DEFA6: variants seen among roughly 807,000 people sequenced by gnomAD.
DEFA6 encodes the protein defensin-6.
In DEFA6, 8 loss-of-function variants were observed where a neutral mutation model predicts 5.1. The ratio of observed to expected loss-of-function variants is 1.57; its 90% CI spans 0.92 to 2.83. The LOEUF (loss-of-function observed/expected upper bound fraction) is 2.83. Ranked by LOEUF, DEFA6 falls within the 30% of genes most tolerant of loss-of-function variation. The pLI is 0.00. For missense variants in DEFA6, 191 were observed against 119.1 expected (o/e 1.60, Z -2.81); for synonymous variants, 74 against 45.3 (o/e 1.63, Z -2.54).
rs143254168 is a variant in DEFA6 at position 6,924,968 on chromosome 8, G to C, written c.194-41C>G. ...GAGAGCATCAGAAATTGAGCACCAGGGTCAGCAGCGGGCAGTAAAGAGAAT... is the reference window on the plus strand; with the variant it reads ...GAGAGCATCAGAAATTGAGCACCAGCGTCAGCAGCGGGCAGTAAAGAGAAT... On this transcript the variant is annotated intron_variant, in intron 1 of 1. Coordinates refer to ENST00000297436, the MANE Select transcript of DEFA6 (RefSeq NM_001926.4). The C allele has an allele frequency of 8.5e-4, 1,145 of 1,346,026 alleles. 14 individuals are homozygous for C. The African/African-American group carries it at 0.014, about 17-fold the overall frequency. The allele number at this position is 1,346,026 out of a possible 1,614,324, so 83.4% of individuals were successfully genotyped here.
chr8:6,925,748 T>G (rs1395574156), intron 1 of DEFA6, 95 bp downstream of exon 1: 17 of 1,066,490 alleles, frequency 1.6e-5, no homozygotes, highest in Non-Finnish European at 2.1e-5. Context: ...GGGGAGGTGA[T>G]CACCTAAGAG....
rs1159518049 is a variant in DEFA6, at chr8:6,925,889, A to G, written c.147T>C (p.Phe49=). 1.2e-6 allele frequency: 2 copies of G among 1,613,990 alleles called. No individual in the cohort carries two copies. The highest frequency in any genetic ancestry group is 1.7e-5 in the Admixed American group (1 of 60,002). The part of the protein sequence containing the change: ...QEQRGANDQD[F]AVSFAEDASS... The stretch of plus-strand genomic sequence containing the variant: ...TTGCATCCTCTGCAAAGGAGACGGC[A>G]AAGTCCTGGTCATTTGCCCCACGCT... Residue 49 remains phenylalanine (F), a synonymous_variant, in exon 1 of 2, where the codon TTT becomes TTC. Transcript: ENST00000297436.
chr8:6,925,898 G>A lies in DEFA6; in HGVS notation c.138C>T (p.Asp46=). Residue 46 remains aspartate (D), a synonymous_variant, in exon 1 of 2, where the codon GAC becomes GAT. Transcript: ENST00000297436. ...ADAQEQRGAN[D]QDFAVSFAED... is the part of the protein sequence containing the mutation. ...CTGCAAAGGAGACGGCAAAGTCCTGGTCATTTGCCCCACGCTGCTCCTGGG... is the reference window on the plus strand; with the variant it reads ...CTGCAAAGGAGACGGCAAAGTCCTGATCATTTGCCCCACGCTGCTCCTGGG... 10 of 1,614,136 alleles carry A rather than the reference G, an allele frequency of 6.2e-6. No homozygotes were observed. The highest frequency in any genetic ancestry group is 8.5e-6 in the Non-Finnish European group (10 of 1,180,032).
At position 6,925,221 on chromosome 8, in the gene DEFA6, A is replaced by G. The variant is rs139105483; in HGVS notation, c.194-294T>C. Among the ~76,000 whole-genome samples the G allele has an allele frequency of 1.2e-3, 176 of 152,326 alleles. 1 individual carries two copies. In the East Asian group the frequency reaches 0.03, roughly 26 times the overall value. On this transcript the variant is annotated intron_variant, in intron 1 of 1. Transcript: ENST00000297436. The stretch of plus-strand genomic sequence containing the variant: ...CAACGGTTCCTATAAAAGTCAGATT[A>G]AAAAACATTCCTTTAGCAGCTGGAT...
intron 1 of DEFA6, among the ~76,000 whole-genome samples, chr8:6,925,438 A>G (rs2117314341): frequency 6.6e-6 from 1 of 152,188 alleles, no homozygotes; most frequent in South Asian, 2.1e-4. Flanking sequence ...TGAGGGAGAG[A>G]ATTGCGTGAA....
intron 1 of DEFA6, among the ~76,000 whole-genome samples, chr8:6,925,524 C>CAAACAAAACA (rs528547399): frequency 6.6e-6 from 1 of 152,098 alleles, no homozygotes; most frequent in East Asian, 1.9e-4. Context: ...GAGACTCCAT[C>CAAACAAAACA]AAACAAAACA....
At chr8:6,925,256 T>A (rs117544633) in intron 1 of DEFA6, among the ~76,000 whole-genome samples, 1 of 152,136 alleles carries the variant, frequency 6.6e-6, no homozygotes, top group Non-Finnish European at 1.5e-5. Context: ...TGTGGTGGCT[T>A]ACGCCTGTAA....
chr8:6,925,002 A>T, intron 1 of DEFA6, 75 bp from the exon 2 acceptor site: 2 of 931,102 alleles, frequency 2.1e-6, no homozygotes, highest in Non-Finnish European at 3.4e-6. Context: ...ATCTTCAGGA[A>T]GTTGCATGCT....
In DEFA6 at chr8:6,924,897, C is replaced by T. The variant is rs1333337632; in HGVS notation, c.224G>A (p.Arg75Lys). 2 of 1,610,310 alleles carry T rather than the reference C, an allele frequency of 1.2e-6. No individual in the cohort carries two copies. The highest frequency in any genetic ancestry group is 1.1e-5 in the South Asian group (1 of 90,750). Residue 75 changes from arginine to lysine, a missense_variant, in exon 2 of 2, where the codon AGA becomes AAA. By Grantham distance (26) the Arg-to-Lys change is conservative (BLOSUM62 2). Coordinates refer to ENST00000297436, the MANE Select transcript of DEFA6 (RefSeq NM_001926.4). ...GSTRAFTCHC[R>K]RSCYSTEYSY... Reference sequence around the variant, plus strand: ...ATATTCTGTTGAATAACAGGACCTTCTGCAATGGCAAGTGAAAGCCCTTGT... The same window carrying T: ...ATATTCTGTTGAATAACAGGACCTTTTGCAATGGCAAGTGAAAGCCCTTGT...
At chr8:6,925,058 C>G in intron 1 of DEFA6, 131 bp from the exon 2 acceptor site, 1 of 611,746 alleles carries the variant, frequency 1.6e-6, no homozygotes, top group South Asian at 2.0e-5. Context: ...AGCATGATCA[C>G]ACCATCAATA....
rs867653453 is a variant in DEFA6, at chr8:6,924,805, C to T, written c.*13G>A. On this transcript the variant is annotated 3_prime_UTR_variant, in exon 2 of 2. Coordinates refer to ENST00000297436, the MANE Select transcript of DEFA6 (RefSeq NM_001926.4). ...AAGTAAATTATGAATATATTTCTCT[C>T]TGTTCTCATCCCTCAGAGGCAGCAG... 5.2e-6 allele frequency: 8 copies of T among 1,551,506 alleles called. No homozygotes were observed. The highest frequency in any genetic ancestry group is 2.3e-5 in the South Asian group (2 of 88,334).
intron 1 of DEFA6, among the ~76,000 whole-genome samples, chr8:6,925,308 C>G (rs1270188378): frequency 6.6e-6 from 1 of 151,842 alleles, no homozygotes; most frequent in East Asian, 1.9e-4. Context: ...ATCACAAGGT[C>G]AGGAGTTCAA....
Position 6,925,880 on chromosome 8 carries a change from G to A in DEFA6, c.156C>T (p.Ser52=), listed in dbSNP as rs771612528. 2 of 1,614,024 alleles carry A rather than the reference G, an allele frequency of 1.2e-6. No homozygotes were observed. Among genetic ancestry groups the A allele is most frequent in the South Asian group, 1.1e-5 (1 of 91,024 alleles). ...RGANDQDFAV[S]FAEDASSSLR... ...GACTTGAGCTTGCATCCTCTGCAAA[G>A]GAGACGGCAAAGTCCTGGTCATTTG... is the stretch of plus-strand genomic sequence containing the variant. Residue 52 remains serine (S), a synonymous_variant, in exon 1 of 2, where the codon TCC becomes TCT. Coordinates refer to ENST00000297436, the MANE Select transcript of DEFA6 (RefSeq NM_001926.4).
chr8:6,924,702 G>A lies in DEFA6; in HGVS notation c.*116C>T. The A allele has an allele frequency of 3.4e-6, 2 of 590,044 alleles. No individual in the cohort carries two copies. The highest frequency in any genetic ancestry group is 5.6e-6 in the Non-Finnish European group (2 of 357,740). 36.6% of individuals were successfully genotyped at this position (590,044 alleles called of 1,614,324 possible). On this transcript the variant is annotated 3_prime_UTR_variant, in exon 2 of 2. Transcript: ENST00000297436. ...AAGCACAAACACAAAAGAACTTGCT[G>A]AAAGGACTTTATTTGAGATGAGGAA...
chr8:6,924,825 C>T lies in DEFA6; in HGVS notation c.296G>A (p.Cys99Tyr). 6.3e-7 allele frequency: 1 copy of T among 1,598,922 alleles called. No individual in the cohort carries two copies. Among genetic ancestry groups the T allele is most frequent in the Non-Finnish European group, 8.6e-7 (1 of 1,167,562 alleles). The change falls in exon 2 of 2, where the codon TGC becomes TAC. Residue 99 changes from cysteine (C) to tyrosine (Y), a missense_variant. Cys to Tyr is a radical substitution (Grantham distance 194, BLOSUM62 -2). Transcript: ENST00000297436. ...TCTCTCTGTTCTCATCCCTCAGAGG[C>T]AGCAGAATCTGTGGTTAATACCCAT... ...TVMGINHRFC[C>Y]L
chr8:6,925,412 T>C (rs1033363916), intron 1 of DEFA6, among the ~76,000 whole-genome samples: 2 of 151,626 alleles, frequency 1.3e-5, no homozygotes, highest in Non-Finnish European at 2.9e-5. Context: ...CCTGTAATCC[T>C]AGTGACTTGG....
rs56109247 is a variant in DEFA6, at chr8:6,924,978, G to A, written c.194-51C>T. The A allele has an allele frequency of 3.9e-4, 483 of 1,252,504 alleles. 5 individuals carry two copies. In the South Asian group the frequency reaches 5.5e-3, roughly 14 times the overall value. 77.6% of individuals were successfully genotyped at this position (1,252,504 alleles called of 1,614,324 possible). A position where few individuals can be genotyped will look rare whatever the true frequency, so the allele number is the denominator to read the frequency against. ...GAAATTGAGCACCAGGGTCAGCAGC[G>A]GGCAGTAAAGAGAATCTTCAGGAAG... is the stretch of plus-strand genomic sequence containing the variant. On this transcript the variant is annotated intron_variant, in intron 1 of 1. Transcript: ENST00000297436.
In DEFA6 at chr8:6,925,874, T is replaced by G; in HGVS notation, c.162A>C (p.Ala54=). 6.2e-7 allele frequency: 1 copy of G among 1,613,952 alleles called. No homozygotes were observed. The highest frequency in any genetic ancestry group is 1.3e-5 in the African/African-American group (1 of 75,070). ...CTCTAAGACTTGAGCTTGCATCCTC[T>G]GCAAAGGAGACGGCAAAGTCCTGGT... The part of the protein sequence containing the change: ...ANDQDFAVSF[A]EDASSSLRAL... The change falls in exon 1 of 2, where the codon GCA becomes GCC. Residue 54 remains alanine (A), a synonymous_variant. Coordinates refer to ENST00000297436, the MANE Select transcript of DEFA6 (RefSeq NM_001926.4).
rs776504983 is a variant in DEFA6 at position 6,926,000 on chromosome 8, G to T, written c.36C>A (p.Leu12=). ...RTLTILTAVL[L]VALQAKAEPL... Reference sequence around the variant, plus strand: ...GCTCAGCCTTGGCCTGGAGGGCCACGAGGAGAACAGCAGTGAGGATGGTGA... The same window carrying T: ...GCTCAGCCTTGGCCTGGAGGGCCACTAGGAGAACAGCAGTGAGGATGGTGA... Residue 12 remains leucine, a synonymous_variant, in exon 1 of 2, where the codon CTC becomes CTA. Coordinates refer to ENST00000297436, the MANE Select transcript of DEFA6 (RefSeq NM_001926.4). 6 of 1,613,028 alleles carry T rather than the reference G, an allele frequency of 3.7e-6. No homozygotes were observed. The highest frequency in any genetic ancestry group is 4.2e-6 in the Non-Finnish European group (5 of 1,179,620).
Sources: allele counts gnomAD v4.1 joint callset (sites outside exome capture counted in the v4.1 genomes callset), GRCh38; gene constraint gnomAD v4.1.1; transcripts MANE v1.5; gene names NCBI Gene and HGNC (gene_info 2026-07-23, HGNC 2026-07-21).